The following ZMAT4 variants were observed in gnomAD, a reference collection of about 807,000 sequenced individuals.
The protein encoded by ZMAT4 is zinc finger matrin-type protein 4.
A neutral mutation model predicts 28.7 loss-of-function variants in ZMAT4; 17 were observed. The observed-to-expected ratio is 0.59, with a 90% CI of 0.41 to 0.89. The LOEUF (loss-of-function observed/expected upper bound fraction) is 0.89, where lower values mean the gene tolerates loss of function less well. Among genes scored for constraint, ZMAT4 ranks in the 40% least tolerant of loss-of-function variants. ZMAT4 has a pLI of 0.00. For synonymous variants in ZMAT4, 117 were observed against 109.2 expected (o/e 1.07, Z -0.44); for missense variants, 240 against 283.8 (o/e 0.85, Z 1.11).
intron 6 of ZMAT4, among the ~76,000 whole-genome samples, chr8:40,553,574 C>T (rs1462411284): frequency 1.3e-5 from 2 of 152,112 alleles, no homozygotes; most frequent in Admixed American, 6.6e-5. Flanking sequence ...CCAAAATAGT[C>T]GCACCTGGCA....
At chr8:40,845,793 AAAAAG>A (rs763531470) in intron 1 of ZMAT4, among the ~76,000 whole-genome samples, 7 of 93,088 alleles carry the variant, frequency 7.5e-5, no homozygotes, top group African/African-American at 9.7e-5. Context: ...AAAAAAAAAA[AAAAAG>A]AGAGAGAGAC....
intron 5 of ZMAT4, among the ~76,000 whole-genome samples, chr8:40,655,596 G>GAA (rs57186189): frequency 1.2e-4 from 18 of 146,242 alleles, no homozygotes; most frequent in East Asian, 1.2e-3. Context: ...CGGTGTTGCA[G>GAA]AAAAAAAAAA....
At chr8:40,562,575 A>G (rs1252155797) in intron 6 of ZMAT4, among the ~76,000 whole-genome samples, 1 of 152,080 alleles carries the variant, frequency 6.6e-6, no homozygotes, top group Non-Finnish European at 1.5e-5. Flanking sequence ...GCTGTCATCA[A>G]TGGGGCTGCT....
At chr8:40,629,219 A>G (rs1806484518) in intron 5 of ZMAT4, among the ~76,000 whole-genome samples, 1 of 151,652 alleles carries the variant, frequency 6.6e-6, no homozygotes, top group Non-Finnish European at 1.5e-5. Flanking sequence ...TGATTTGTCC[A>G]TTTTTAGTGC....
intron 5 of ZMAT4, among the ~76,000 whole-genome samples, chr8:40,628,691 A>T (rs1806462800): frequency 6.6e-6 from 1 of 152,204 alleles, no homozygotes; most frequent in Admixed American, 6.5e-5. Flanking sequence ...GCTGGATGGC[A>T]TCATCCTCTA....
intron 6 of ZMAT4, among the ~76,000 whole-genome samples, chr8:40,542,702 A>T (rs1423275159): frequency 6.6e-6 from 1 of 152,186 alleles, no homozygotes; most frequent in African/African-American, 2.4e-5. Flanking sequence ...TACAATTTTT[A>T]TAACAAATTA....
chr8:40,708,140 C>A (rs539385029), intron 3 of ZMAT4, among the ~76,000 whole-genome samples: 1 of 152,310 alleles, frequency 6.6e-6, no homozygotes, highest in East Asian at 1.9e-4. Flanking sequence ...AATCTGCATG[C>A]TATCAGCATC....
At chr8:40,848,907 C>A (rs1817002571) in intron 1 of ZMAT4, among the ~76,000 whole-genome samples, 1 of 152,216 alleles carries the variant, frequency 6.6e-6, no homozygotes, top group African/African-American at 2.4e-5. Flanking sequence ...GCACCTACAT[C>A]ATTCCAGCCA....
chr8:40,864,453 T>A (rs2150647711), intron 1 of ZMAT4, among the ~76,000 whole-genome samples: 1 of 152,348 alleles, frequency 6.6e-6, no homozygotes, highest in East Asian at 1.9e-4. Flanking sequence ...GTGACCAGGA[T>A]GGCACACCTC....
chr8:40,805,594 G>C (rs993759378), intron 2 of ZMAT4, among the ~76,000 whole-genome samples: 1 of 134,892 alleles, frequency 7.4e-6, no homozygotes, highest in South Asian at 2.6e-4. Flanking sequence ...ATACACCATG[G>C]AATACTATGC....
chr8:40,748,314 T>C (rs1812323150), intron 3 of ZMAT4, among the ~76,000 whole-genome samples: 1 of 152,234 alleles, frequency 6.6e-6, no homozygotes, highest in African/African-American at 2.4e-5. Context: ...AATGGCCTTG[T>C]ACCATGTTCA....
At chr8:40,654,054 A>T (rs1300115086) in intron 5 of ZMAT4, among the ~76,000 whole-genome samples, 1 of 152,204 alleles carries the variant, frequency 6.6e-6, no homozygotes, top group Non-Finnish European at 1.5e-5. Flanking sequence ...TTTGTATTAA[A>T]TAGAGCCAGG....
intron 4 of ZMAT4, among the ~76,000 whole-genome samples, chr8:40,680,701 T>TACACAC (rs71224844): frequency 1.0e-4 from 9 of 86,834 alleles, no homozygotes; most frequent in South Asian, 6.2e-4. Context: ...ATGTCTAATG[T>TACACAC]ACACACACAC....
chr8:40,643,860 A>G (rs373435840), intron 5 of ZMAT4, among the ~76,000 whole-genome samples: 120 of 152,222 alleles, frequency 7.9e-4, no homozygotes, highest in African/African-American at 2.8e-3. Flanking sequence ...AAGAAATGAA[A>G]ATAATTTTAG....
intron 5 of ZMAT4, among the ~76,000 whole-genome samples, chr8:40,590,909 T>C (rs984536657): frequency 2.0e-5 from 3 of 152,134 alleles, no homozygotes; most frequent in African/African-American, 7.2e-5. Flanking sequence ...CCTATTCCTC[T>C]AGGGATAGCA....
intron 5 of ZMAT4, among the ~76,000 whole-genome samples, chr8:40,631,063 G>A (rs2722421): frequency 0.56 from 85,412 of 151,666 alleles, 25,196 homozygotes; most frequent in East Asian, 0.69. Context: ...CACATTTCAA[G>A]TGCTCAATAG....
At chr8:40,750,437 T>C (rs1228798043) in intron 3 of ZMAT4, among the ~76,000 whole-genome samples, 2 of 152,096 alleles carry the variant, frequency 1.3e-5, no homozygotes, top group East Asian at 1.9e-4. Flanking sequence ...CGGTGCTATG[T>C]AGGACAAAGG....
intron 5 of ZMAT4, among the ~76,000 whole-genome samples, chr8:40,631,948 A>T (rs1436922699): frequency 6.6e-6 from 1 of 152,246 alleles, no homozygotes; most frequent in Non-Finnish European, 1.5e-5. Flanking sequence ...ATTGCCCTGC[A>T]GACATCTTGT....
intron 5 of ZMAT4, among the ~76,000 whole-genome samples, chr8:40,649,323 A>G (rs1051548119): frequency 2.0e-5 from 3 of 152,184 alleles, no homozygotes; most frequent in Non-Finnish European, 4.4e-5. Context: ...CAAAAGAGAC[A>G]AAGAAGGCCA....
Sources: allele counts gnomAD v4.1 joint callset (sites outside exome capture counted in the v4.1 genomes callset), GRCh38; gene constraint gnomAD v4.1.1; transcripts MANE v1.5; gene names NCBI Gene and HGNC (gene_info 2026-07-23, HGNC 2026-07-21).